KRTAP10-10: variants seen among roughly 807,000 people sequenced by gnomAD.
The protein encoded by KRTAP10-10 is keratin-associated protein 10-10.
For synonymous variants in KRTAP10-10, 139 were observed against 137.6 expected (o/e 1.01, Z -0.07); for missense variants, 324 against 319.9 (o/e 1.01, Z -0.10).
chr21:44,637,753 T>G lies in KRTAP10-10; in HGVS notation c.336T>G (p.Pro112=). ...PVCCVPVCNK[P]VCFVPTCSES... is the part of the protein sequence containing the mutation. ...GCTGCGTGCCCGTCTGTAACAAGCC[T>G]GTGTGCTTCGTGCCTACCTGCTCCG... The change falls in exon 1 of 1, where the codon CCT becomes CCG. Residue 112 remains proline (P), a synonymous_variant. Coordinates refer to ENST00000380095, the MANE Select transcript of KRTAP10-10 (RefSeq NM_181688.3). 1 of 1,338,462 alleles carries G rather than the reference T, an allele frequency of 7.5e-7. No homozygotes were observed. The highest frequency in any genetic ancestry group is 1.4e-5 in the South Asian group (1 of 72,808). 82.9% of individuals were successfully genotyped at this position (1,338,462 alleles called of 1,614,324 possible). A position where few individuals can be genotyped will look rare whatever the true frequency, so the allele number is the denominator to read the frequency against.
rs4818949 is a variant in KRTAP10-10 at position 44,637,803 on chromosome 21, A to C, written c.386A>C (p.Gln129Pro). 414,353 of 1,609,456 alleles carry C rather than the reference A, an allele frequency of 0.26. 55,954 individuals are homozygous for C. The highest frequency in any genetic ancestry group is 0.44 in the African/African-American group (32,379 of 73,154). ...CSESSPSCCQ[Q>P]SSCQPTCCTS... ...GAGTCTTCCCCTTCATGCTGCCAGC[A>C]GTCTAGCTGCCAGCCAACTTGCTGC... is the stretch of plus-strand genomic sequence containing the variant. The change falls in exon 1 of 1, where the codon CAG (glutamine) becomes CCG (proline). Residue 129 changes from glutamine to proline, a missense_variant. Physicochemically the swap from Gln to Pro is moderately conservative, Grantham distance 76. Transcript: ENST00000380095.
chr21:44,637,361 A>G lies in KRTAP10-10; in HGVS notation c.-57A>G, dbSNP rs1409136242. 4.4e-5 allele frequency: 69 copies of G among 1,566,864 alleles called. No homozygotes were observed. Among genetic ancestry groups the G allele is most frequent in the Non-Finnish European group, 6.0e-5 (69 of 1,155,966 alleles). On this transcript the variant is annotated 5_prime_UTR_variant, in exon 1 of 1. Coordinates refer to ENST00000380095, the MANE Select transcript of KRTAP10-10 (RefSeq NM_181688.3). ...AGCTGACAGGCTCACACACACACTC[A>G]CTCACACACTCACTCACTCACACAC...
In KRTAP10-10 at chr21:44,637,718, G is replaced by A. The variant is rs114397261; in HGVS notation, c.301G>A (p.Val101Met). ...GGCCTGCTGTGTGCCTGTCTGCTGT[G>A]TGCCCGTCTGCTGCGTGCCCGTCTG... ...QQACCVPVCCVPVCCVPVCNK... is the reference protein window; with the variant it reads ...QQACCVPVCCMPVCCVPVCNK... The change falls in exon 1 of 1, where the codon GTG (valine) becomes ATG (methionine). Residue 101 changes from valine (V) to methionine (M), a missense_variant. Physicochemically the swap from Val to Met is conservative, Grantham distance 21. Transcript: ENST00000380095. The A allele has an allele frequency of 0.014, 16,932 of 1,236,392 alleles. 1,277 individuals are homozygous for A. In the African/African-American group the frequency reaches 0.22, roughly 16 times the overall value. 76.6% of individuals were successfully genotyped at this position (1,236,392 alleles called of 1,614,324 possible).
In KRTAP10-10 at chr21:44,638,218, C is replaced by T; in HGVS notation, c.*45C>T. ...GAGTCCCTTCCCACCAGGGGCTGAC[C>T]TCCCAGCTGCCCCAGCAAGCTCTGC... On this transcript the variant is annotated 3_prime_UTR_variant, in exon 1 of 1. Transcript: ENST00000380095. 6.4e-7 allele frequency: 1 copy of T among 1,565,926 alleles called. No individual in the cohort carries two copies. Among genetic ancestry groups the T allele is most frequent in the South Asian group, 1.2e-5 (1 of 83,134 alleles).
At position 44,637,427 on chromosome 21, in the gene KRTAP10-10, T is replaced by C. The variant is rs376940079; in HGVS notation, c.10T>C (p.Ser4Pro). Residue 4 changes from serine to proline, a missense_variant, in exon 1 of 1, where the codon TCC (serine) becomes CCC (proline). Coordinates refer to ENST00000380095, the MANE Select transcript of KRTAP10-10 (RefSeq NM_181688.3). Reference sequence around the variant, plus strand: ...GCCTCCCCACTCCAGCATGGCCGCCTCCACCATGTCCATCTGCTCCAGCGC... The same window carrying C: ...GCCTCCCCACTCCAGCATGGCCGCCCCCACCATGTCCATCTGCTCCAGCGC... MAA[S>P]TMSICSSACT... 3.7e-6 allele frequency: 6 copies of C among 1,605,796 alleles called. No individual in the cohort carries two copies. The African/African-American group carries it at 8.0e-5, about 21-fold the overall frequency.
rs587616727 is a variant in KRTAP10-10, at chr21:44,637,477, C to T, written c.60C>T (p.Val20=). 93 of 1,613,214 alleles carry T rather than the reference C, an allele frequency of 5.8e-5. No individual in the cohort carries two copies. Among genetic ancestry groups the T allele is most frequent in the Non-Finnish European group, 3.6e-5 (43 of 1,179,702 alleles). The change falls in exon 1 of 1, where the codon GTC becomes GTT. Residue 20 remains valine (V), a synonymous_variant. Transcript: ENST00000380095. ...SSACTDSWRV[V]DCPESCCEPC... ...CCTGCACTGACTCTTGGCGGGTAGT[C>T]GACTGCCCAGAGAGCTGCTGCGAGC...
At position 44,638,266 on chromosome 21, in the gene KRTAP10-10, A is replaced by C; in HGVS notation, c.*93A>C. 5 of 1,502,478 alleles carry C rather than the reference A, an allele frequency of 3.3e-6. No individual in the cohort carries two copies. The highest frequency in any genetic ancestry group is 4.4e-6 in the Non-Finnish European group (5 of 1,124,056). 93.1% of individuals were successfully genotyped at this position (1,502,478 alleles called of 1,614,324 possible). ...TGCCCTCTCTGGCTTTGACACCCTC[A>C]GAAGGTGGGGCAGGCTCTTTGTCTT... On this transcript the variant is annotated 3_prime_UTR_variant, in exon 1 of 1. Coordinates refer to ENST00000380095, the MANE Select transcript of KRTAP10-10 (RefSeq NM_181688.3).
In KRTAP10-10 at chr21:44,637,694, G is replaced by T; in HGVS notation, c.277G>T (p.Ala93Ser). The change falls in exon 1 of 1, where the codon GCC (alanine) becomes TCC (serine). Residue 93 changes from alanine to serine, a missense_variant. Ala to Ser is a moderately conservative substitution (Grantham distance 99). Transcript: ENST00000380095. ...DCCTSSPCQQ[A>S]CCVPVCCVPV... Reference sequence around the variant, plus strand: ...CTGCACCTCCTCCCCCTGCCAGCAGGCCTGCTGTGTGCCTGTCTGCTGTGT... The same window carrying T: ...CTGCACCTCCTCCCCCTGCCAGCAGTCCTGCTGTGTGCCTGTCTGCTGTGT... The T allele has an allele frequency of 1.5e-6, 2 of 1,340,926 alleles. No homozygotes were observed. Among genetic ancestry groups the T allele is most frequent in the Non-Finnish European group, 1.0e-6 (1 of 981,370 alleles). The allele number at this position is 1,340,926 out of a possible 1,614,324, so 83.1% of individuals were successfully genotyped here. A position where few individuals can be genotyped will look rare whatever the true frequency, so the allele number is the denominator to read the frequency against.
At position 44,637,474 on chromosome 21, in the gene KRTAP10-10, A is replaced by G. The variant is rs9306108; in HGVS notation, c.57A>G (p.Val19=). The change falls in exon 1 of 1, where the codon GTA becomes GTG. Residue 19 remains valine (V), a synonymous_variant. Coordinates refer to ENST00000380095, the MANE Select transcript of KRTAP10-10 (RefSeq NM_181688.3). The part of the protein sequence containing the change: ...CSSACTDSWR[V]VDCPESCCEP... ...GCGCCTGCACTGACTCTTGGCGGGT[A>G]GTCGACTGCCCAGAGAGCTGCTGCG... 614,907 of 1,612,062 alleles carry G rather than the reference A, an allele frequency of 0.38. 119,649 individuals carry two copies. The highest frequency in any genetic ancestry group is 0.53 in the South Asian group (48,223 of 90,854).
chr21:44,637,828 C>A, the KRTAP10-10 span: 1 of 1,384,306 alleles, frequency 7.2e-7, no homozygotes, highest in Non-Finnish European at 9.9e-7. Flanking sequence ...CAACTTGCTG[C>A]ACCTCCTCCC....
chr21:44,638,044 C>A, the KRTAP10-10 span: 5 of 1,611,956 alleles, frequency 3.1e-6, no homozygotes, highest in Non-Finnish European at 4.2e-6. Flanking sequence ...TCCCCTCCTG[C>A]GGTGCCTCTG....
In KRTAP10-10 at chr21:44,637,409, C is replaced by G. The variant is rs587680756; in HGVS notation, c.-9C>G. 3.1e-6 allele frequency: 5 copies of G among 1,596,864 alleles called. No individual in the cohort carries two copies. The South Asian group carries it at 3.5e-5, about 11-fold the overall frequency. ...CACCTCCCCCAGCTCACCGCCTCCCCACTCCAGCATGGCCGCCTCCACCAT... is the reference window on the plus strand; with the variant it reads ...CACCTCCCCCAGCTCACCGCCTCCCGACTCCAGCATGGCCGCCTCCACCAT... On this transcript the variant is annotated 5_prime_UTR_variant, in exon 1 of 1. Transcript: ENST00000380095.
Position 44,638,198 on chromosome 21 carries a change from C to T in KRTAP10-10, c.*25C>T. The T allele has an allele frequency of 3.2e-6, 5 of 1,584,216 alleles. No individual in the cohort carries two copies. The South Asian group carries it at 3.5e-5, about 11-fold the overall frequency. On this transcript the variant is annotated 3_prime_UTR_variant, in exon 1 of 1. Transcript: ENST00000380095. ...ACAGCCCTGGATGTGATCCGGAGTC[C>T]CTTCCCACCAGGGGCTGACCTCCCA...
At position 44,637,612 on chromosome 21, in the gene KRTAP10-10, C is replaced by T. The variant is rs1555937151; in HGVS notation, c.195C>T (p.Gly65=). Residue 65 remains glycine (G), a synonymous_variant, in exon 1 of 1, where the codon GGC becomes GGT. Coordinates refer to ENST00000380095, the MANE Select transcript of KRTAP10-10 (RefSeq NM_181688.3). ...GTGAGCCCAGCGCCTGCCAATCAGG[C>T]TACACCAGCTCCTGCACAACCCCAT... The part of the protein sequence containing the change: ...TACEPSACQS[G]YTSSCTTPCY... 16 of 1,613,850 alleles carry T rather than the reference C, an allele frequency of 9.9e-6. No individual in the cohort carries two copies. The highest frequency in any genetic ancestry group is 1.4e-5 in the Non-Finnish European group (16 of 1,179,956).
rs1452432213 is a variant in KRTAP10-10, at chr21:44,637,365, A to G, written c.-53A>G. The G allele has an allele frequency of 3.2e-6, 5 of 1,573,288 alleles. No individual in the cohort carries two copies. The highest frequency in any genetic ancestry group is 1.2e-5 in the South Asian group (1 of 82,294). ...GACAGGCTCACACACACACTCACTCACACACTCACTCACTCACACACCTCC... is the reference window on the plus strand; with the variant it reads ...GACAGGCTCACACACACACTCACTCGCACACTCACTCACTCACACACCTCC... On this transcript the variant is annotated 5_prime_UTR_variant, in exon 1 of 1. Coordinates refer to ENST00000380095, the MANE Select transcript of KRTAP10-10 (RefSeq NM_181688.3).
At position 44,637,441 on chromosome 21, in the gene KRTAP10-10, C is replaced by T. The variant is rs1555936985; in HGVS notation, c.24C>T (p.Ile8=). 10 of 1,610,354 alleles carry T rather than the reference C, an allele frequency of 6.2e-6. No individual in the cohort carries two copies. Among genetic ancestry groups the T allele is most frequent in the Non-Finnish European group, 1.7e-6 (2 of 1,178,196 alleles). Residue 8 remains isoleucine (I), a synonymous_variant, in exon 1 of 1, where the codon ATC becomes ATT. Transcript: ENST00000380095. The part of the protein sequence containing the change: MAASTMS[I]CSSACTDSWR... ...GCATGGCCGCCTCCACCATGTCCAT[C>T]TGCTCCAGCGCCTGCACTGACTCTT...
In KRTAP10-10 at chr21:44,637,944, C is replaced by T. The variant is rs782210040; in HGVS notation, c.527C>T (p.Pro176Leu). ...TGCTGCCAGCAGTCTAGCTGCCAGC[C>T]TGCTTGCTGCACCGCCTCCTGCTGC... ...TSCCQQSSCQ[P>L]ACCTASCCRP... The change falls in exon 1 of 1, where the codon CCT becomes CTT. Residue 176 changes from proline to leucine, a missense_variant. Physicochemically the swap from Pro to Leu is moderately conservative, Grantham distance 98. Transcript: ENST00000380095. 1.2e-6 allele frequency: 2 copies of T among 1,613,020 alleles called. No homozygotes were observed. Among genetic ancestry groups the T allele is most frequent in the South Asian group, 1.1e-5 (1 of 91,014 alleles).
chr21:44,638,041 C>G lies in KRTAP10-10; in HGVS notation c.624C>G (p.Ser208=). Residue 208 remains serine (S), a synonymous_variant, in exon 1 of 1, where the codon TCC becomes TCG. Transcript: ENST00000380095. ...CKSTCCVPVP[S]CGASASSCQP... is the part of the protein sequence containing the mutation. Reference sequence around the variant, plus strand: ...CCACCTGCTGCGTGCCCGTCCCCTCCTGCGGTGCCTCTGCCTCCTCCTGCC... The same window carrying G: ...CCACCTGCTGCGTGCCCGTCCCCTCGTGCGGTGCCTCTGCCTCCTCCTGCC... The G allele has an allele frequency of 6.2e-7, 1 of 1,611,452 alleles. No individual in the cohort carries two copies. The highest frequency in any genetic ancestry group is 1.3e-5 in the African/African-American group (1 of 74,502).
rs587726071 is a variant in KRTAP10-10 at position 44,637,434 on chromosome 21, T to C, written c.17T>C (p.Met6Thr). Residue 6 changes from methionine to threonine, a missense_variant, in exon 1 of 1, where the codon ATG (methionine) becomes ACG (threonine). By Grantham distance (81) the Met-to-Thr change is moderately conservative. Transcript: ENST00000380095. ...CACTCCAGCATGGCCGCCTCCACCA[T>C]GTCCATCTGCTCCAGCGCCTGCACT... MAAST[M>T]SICSSACTDS... 4.4e-6 allele frequency: 7 copies of C among 1,608,740 alleles called. No individual in the cohort carries two copies. In the South Asian group the frequency reaches 6.7e-5, roughly 15 times the overall value.
Sources: gnomAD v4.1 joint callset for allele counts on GRCh38, gnomAD v4.1.1 for gene constraint, MANE v1.5 for transcripts, NCBI Gene and HGNC (gene_info 2026-07-23, HGNC 2026-07-21) for gene names.